SCN2A: variants seen among roughly 807,000 people sequenced by gnomAD.
SCN2A encodes the protein sodium channel protein type 2 subunit alpha.
Under a neutral mutation model 188.7 loss-of-function variants are expected in SCN2A, and 20 were observed. The observed-to-expected ratio is 0.11, with a 90% CI of 0.07 to 0.15. SCN2A has a LOEUF of 0.15. Ranked by LOEUF, SCN2A falls within the 10% of genes least tolerant of loss-of-function variation. The pLI is 1.00. For missense variants in SCN2A, 1,278 were observed against 2,445.0 expected (o/e 0.52, Z 10.07); for synonymous variants, 804 against 833.1 (o/e 0.97, Z 0.60).
chr2:165,300,688 A>G (rs998680811), intron 3 of SCN2A, among the ~76,000 whole-genome samples: 2 of 152,118 alleles, frequency 1.3e-5, no homozygotes, highest in African/African-American at 4.8e-5. Flanking sequence ...GCTGGAGCAG[A>G]GTGGGAAAGG....
intron 16 of SCN2A, among the ~76,000 whole-genome samples, chr2:165,349,454 C>T (rs1699773008): frequency 6.6e-6 from 1 of 152,144 alleles, no homozygotes; most frequent in African/African-American, 2.4e-5. Flanking sequence ...TGAAACTCAG[C>T]CCACCACATG....
chr2:165,385,965 A>G (rs753728474), intron 25 of SCN2A, among the ~76,000 whole-genome samples: 2 of 152,220 alleles, frequency 1.3e-5, no homozygotes. Context: ...CACTGAGAAC[A>G]TAATACGTGA....
intron 12 of SCN2A, among the ~76,000 whole-genome samples, chr2:165,324,014 C>A (rs1698222332): frequency 6.6e-6 from 1 of 152,110 alleles, no homozygotes; most frequent in Admixed American, 6.5e-5. Context: ...TGATCTCAAC[C>A]ATTGTAAATT....
chr2:165,285,336 T>A, intron 1 of SCN2A: 1 of 166,434 alleles, frequency 6.0e-6, no homozygotes, highest in Non-Finnish European at 1.3e-5. Flanking sequence ...ATGAGTCTCC[T>A]GAAGTTGAAT....
intron 20 of SCN2A, chr2:165,370,571 G>T (rs1261082919): frequency 8.3e-6 from 3 of 361,030 alleles, no homozygotes; most frequent in South Asian, 4.7e-5. Flanking sequence ...AATAAAATAT[G>T]AATTTAGAAA....
At chr2:165,334,193 C>T (rs541242202) in intron 14 of SCN2A, among the ~76,000 whole-genome samples, 1 of 151,700 alleles carries the variant, frequency 6.6e-6, no homozygotes, top group South Asian at 2.1e-4. Flanking sequence ...GCCAAATGTT[C>T]AATGGAGCGT....
intron 22 of SCN2A, 32 bp downstream of exon 22, chr2:165,374,998 T>G (rs1041552923): frequency 6.3e-7 from 1 of 1,594,410 alleles, no homozygotes; most frequent in Non-Finnish European, 8.6e-7. Flanking sequence ...TTCCATGATG[T>G]GTAATTAAAA....
intron 3 of SCN2A, among the ~76,000 whole-genome samples, chr2:165,302,188 C>G (rs1696852136): frequency 6.6e-6 from 1 of 152,188 alleles, no homozygotes; most frequent in African/African-American, 2.4e-5. Flanking sequence ...ACAACAATTT[C>G]TCTTTCTTTT....
At chr2:165,259,861 T>C (rs565068812) in intron 1 of SCN2A, among the ~76,000 whole-genome samples, 35 of 152,022 alleles carry the variant, frequency 2.3e-4, no homozygotes, top group African/African-American at 8.4e-4. Context: ...TTTCCAAAAG[T>C]TTTCCAACTT....
intron 1 of SCN2A, chr2:165,272,604 T>C (rs1695151856): frequency 6.6e-6 from 1 of 152,086 alleles, no homozygotes; most frequent in Non-Finnish European, 1.5e-5. Context: ...GGTGGTGTTA[T>C]GCTAGGCCAT....
chr2:165,253,380 A>G (rs761165250), intron 1 of SCN2A, among the ~76,000 whole-genome samples: 19 of 152,102 alleles, frequency 1.2e-4, no homozygotes, highest in Non-Finnish European at 1.8e-4. Context: ...TGATAATATC[A>G]TTGAGAGGCC....
intron 1 of SCN2A, among the ~76,000 whole-genome samples, chr2:165,275,060 C>G: frequency 6.6e-6 from 1 of 152,182 alleles, no homozygotes; most frequent in East Asian, 1.9e-4. Context: ...CTGCTGTTGT[C>G]CCCAGTGTCA....
chr2:165,282,879 G>T (rs779613330), intron 1 of SCN2A, among the ~76,000 whole-genome samples: 1 of 152,168 alleles, frequency 6.6e-6, no homozygotes, highest in Non-Finnish European at 1.5e-5. Flanking sequence ...AGAACAAAAA[G>T]GTCACTAGAG....
intron 7 of SCN2A, among the ~76,000 whole-genome samples, chr2:165,311,273 G>A (rs770550648): frequency 3.5e-4 from 53 of 151,984 alleles, no homozygotes; most frequent in Non-Finnish European, 5.0e-4. Context: ...ATATGTGTGT[G>A]CATGTTTGTA....
chr2:165,275,891 C>T (rs573463508), intron 1 of SCN2A, among the ~76,000 whole-genome samples: 17 of 152,072 alleles, frequency 1.1e-4, no homozygotes, highest in Non-Finnish European at 1.8e-4. Flanking sequence ...CCCGCCACCA[C>T]GCCTGGCTAA....
intron 1 of SCN2A, among the ~76,000 whole-genome samples, chr2:165,260,529 T>C (rs1694540919): frequency 6.6e-6 from 1 of 152,176 alleles, no homozygotes; most frequent in Non-Finnish European, 1.5e-5. Context: ...GCATAATTCT[T>C]AAGGGCCCTA....
chr2:165,253,521 A>C (rs964986014), intron 1 of SCN2A, among the ~76,000 whole-genome samples: 10 of 152,126 alleles, frequency 6.6e-5, no homozygotes, highest in African/African-American at 1.9e-4. Flanking sequence ...ATGTCCATAA[A>C]TAAGTTTTAT....
At chr2:165,272,367 A>G (rs778957980) in intron 1 of SCN2A, 12 of 152,096 alleles carry the variant, frequency 7.9e-5, no homozygotes, top group African/African-American at 2.7e-4. Context: ...AGAAGAAAAA[A>G]ATGGCAGAAT....
intron 16 of SCN2A, among the ~76,000 whole-genome samples, chr2:165,347,996 A>G (rs1011415125): frequency 1.3e-5 from 2 of 152,192 alleles, no homozygotes; most frequent in African/African-American, 4.8e-5. Flanking sequence ...TGAAGTAATT[A>G]CACCGAGTTG....
Sources: gnomAD v4.1 joint callset for allele counts (sites outside exome capture counted in the v4.1 genomes callset) on GRCh38, gnomAD v4.1.1 for gene constraint, MANE v1.5 for transcripts, NCBI Gene and HGNC (gene_info 2026-07-23, HGNC 2026-07-21) for gene names.